MCTP2: variants seen among roughly 807,000 people sequenced by gnomAD.
MCTP2 encodes multiple C2 and transmembrane domain-containing protein 2.
Under a neutral mutation model 111.6 loss-of-function variants are expected in MCTP2, and 132 were observed. That is an observed-to-expected ratio of 1.18 (90% CI 1.03 to 1.37). MCTP2 has a LOEUF of 1.37. Ranked by LOEUF, MCTP2 falls within the 40% of genes most tolerant of loss-of-function variation. The probability of loss-of-function intolerance (pLI) is 0.00; values close to 1 mark genes in which losing one functional copy is unlikely to be tolerated. For missense variants in MCTP2, 1,183 were observed against 1,067.9 expected, an observed-to-expected ratio of 1.11 and a Z score of -1.50; for synonymous variants, 395 against 387.7, an observed-to-expected ratio of 1.02 and a Z score of -0.22.
rs367776969 is a variant in MCTP2 at position 94,405,249 on chromosome 15, T to G, written c.2085+3230T>G. 9.5e-4 allele frequency among the ~76,000 whole-genome samples: 144 copies of G among 152,306 alleles called. 1 individual carries two copies. The South Asian group carries it at 0.029, about 31-fold the overall frequency. ...CTGAAGGGATGTGTTTTTCTTCTGTTTTTTGAGAAAACATAAAATATTAAC... is the reference window on the plus strand; with the variant it reads ...CTGAAGGGATGTGTTTTTCTTCTGTGTTTTGAGAAAACATAAAATATTAAC... On this transcript the variant is annotated intron_variant, in intron 17 of 22. Transcript: ENST00000357742.
intron 11 of MCTP2, 113 bp from the exon 12 acceptor site, chr15:94,369,974 G>C: frequency 1.7e-6 from 1 of 573,930 alleles, no homozygotes; most frequent in Non-Finnish European, 2.8e-6. Flanking sequence ...TTTTTTTAAA[G>C]ATTTCATGAG....
At chr15:94,366,981 G>C (rs1275025742) in intron 10 of MCTP2, among the ~76,000 whole-genome samples, 1 of 152,244 alleles carries the variant, frequency 6.6e-6, no homozygotes, top group Non-Finnish European at 1.5e-5. Flanking sequence ...TTTCCTGGCA[G>C]AGCTGCTGAA....
At chr15:94,308,700 C>T (rs1367052612) in intron 2 of MCTP2, among the ~76,000 whole-genome samples, 3 of 147,644 alleles carry the variant, frequency 2.0e-5, no homozygotes, top group Admixed American at 1.4e-4. Flanking sequence ...AGCATTTCAA[C>T]AGGGGTTGAT....
In MCTP2 at chr15:94,470,423, G is replaced by A. The variant is rs1194575228; in HGVS notation, c.2451G>A (p.Arg817=). ...ATIILYFIPL[R]YIILIWGINK... ...TCATTTTGTATTTCATTCCACTGCG[G>A]TACATCATTTTAATCTGGGGTAAGT... The change falls in exon 21 of 23, where the codon CGG becomes CGA. Residue 817 remains arginine (R), a synonymous_variant. Transcript: ENST00000357742. The A allele has an allele frequency of 2.0e-5, 32 of 1,611,058 alleles. No individual in the cohort carries two copies. The highest frequency in any genetic ancestry group is 2.4e-5 in the Non-Finnish European group (28 of 1,177,374).
chr15:94,258,138 A>C (rs2072953154), intron 1 of MCTP2, among the ~76,000 whole-genome samples: 1 of 150,188 alleles, frequency 6.7e-6, no homozygotes. Flanking sequence ...GTCCTCCCAA[A>C]GTGCTGGGAT....
In MCTP2 at chr15:94,339,339, C is replaced by T; in HGVS notation, c.687C>T (p.Tyr229=). Residue 229 remains tyrosine (Y), a synonymous_variant, in exon 5 of 23, where the codon TAC becomes TAT. Coordinates refer to ENST00000357742, the MANE Select transcript of MCTP2 (RefSeq NM_001385001.1). ...TTAAGCTGAATGGGAAGACGCTGTA[C>T]AAAAGTAAAGTCATATATAAGAACT... ...VKFKLNGKTL[Y]KSKVIYKNLN... is the part of the protein sequence containing the mutation. 3.1e-6 allele frequency: 5 copies of T among 1,611,116 alleles called. No individual in the cohort carries two copies. Among genetic ancestry groups the T allele is most frequent in the Non-Finnish European group, 4.2e-6 (5 of 1,178,126 alleles).
chr15:94,350,753 A>C (rs1369357589), intron 8 of MCTP2, among the ~76,000 whole-genome samples: 3 of 152,244 alleles, frequency 2.0e-5, no homozygotes, highest in Non-Finnish European at 4.4e-5. Flanking sequence ...CAAGTAAATC[A>C]AGAAATACAA....
At chr15:94,259,138 C>T (rs1197391110) in intron 1 of MCTP2, among the ~76,000 whole-genome samples, 1 of 152,176 alleles carries the variant, frequency 6.6e-6, no homozygotes, top group Non-Finnish European at 1.5e-5. Context: ...CCCCCTTCAC[C>T]CCACCCAGCC....
At chr15:94,429,396 CT>C (rs1481467642) in intron 17 of MCTP2, among the ~76,000 whole-genome samples, 1 of 152,202 alleles carries the variant, frequency 6.6e-6, no homozygotes, top group Non-Finnish European at 1.5e-5. Flanking sequence ...GTTATGTCTC[CT>C]GTCTACAATT....
chr15:94,250,284 A>C (rs1567274993), intron 1 of MCTP2, among the ~76,000 whole-genome samples: 1 of 152,176 alleles, frequency 6.6e-6, no homozygotes, highest in South Asian at 2.1e-4. Flanking sequence ...CTTAATATGC[A>C]TTCTGTGCTA....
intron 1 of MCTP2, among the ~76,000 whole-genome samples, chr15:94,241,897 T>G (rs1360735174): frequency 1.3e-5 from 2 of 152,186 alleles, no homozygotes; most frequent in Non-Finnish European, 2.9e-5. Flanking sequence ...TTAAAGAGAC[T>G]TTGAATTTGT....
chr15:94,365,387 A>G (rs1308036206), intron 10 of MCTP2, among the ~76,000 whole-genome samples: 1 of 152,174 alleles, frequency 6.6e-6, no homozygotes, highest in African/African-American at 2.4e-5. Flanking sequence ...TTTTTGTAAT[A>G]ACGTAAGTGT....
chr15:94,466,938 TA>T (rs2152536467), intron 20 of MCTP2, among the ~76,000 whole-genome samples: 1 of 152,334 alleles, frequency 6.6e-6, no homozygotes, highest in South Asian at 2.1e-4. Context: ...TAGCTAGTAT[TA>T]TTTTCAAAAC....
chr15:94,301,622 C>T (rs568687063), intron 2 of MCTP2, among the ~76,000 whole-genome samples: 7 of 152,288 alleles, frequency 4.6e-5, no homozygotes, highest in South Asian at 4.1e-4. Flanking sequence ...AATACAAAAA[C>T]GATGATAGCA....
chr15:94,377,657 G>A (rs2079851346), intron 12 of MCTP2, among the ~76,000 whole-genome samples: 1 of 152,058 alleles, frequency 6.6e-6, no homozygotes, highest in East Asian at 1.9e-4. Flanking sequence ...ATTTTTCCTG[G>A]TGATATGGTA....
At chr15:94,242,150 G>C (rs1056980808) in intron 1 of MCTP2, among the ~76,000 whole-genome samples, 1 of 152,062 alleles carries the variant, frequency 6.6e-6, no homozygotes, top group Non-Finnish European at 1.5e-5. Context: ...CCTATGCTAT[G>C]GCTCCCTCAA....
intron 1 of MCTP2, among the ~76,000 whole-genome samples, chr15:94,276,012 A>ATTTTTTTTTTTTTTTTTTTT (rs540790153): frequency 6.6e-6 from 1 of 151,838 alleles, no homozygotes; most frequent in African/African-American, 2.4e-5. Flanking sequence ...TGCCCAGCTA[A>ATTTTTTTTTTTTTTTTTTTT]TTTTTGTATT....
chr15:94,254,450 G>A (rs1315204461), intron 1 of MCTP2, among the ~76,000 whole-genome samples: 2 of 152,122 alleles, frequency 1.3e-5, no homozygotes, highest in Non-Finnish European at 1.5e-5. Flanking sequence ...TTCTTACATA[G>A]GATTGGTATT....
intron 1 of MCTP2, among the ~76,000 whole-genome samples, chr15:94,281,315 T>C (rs183513655): frequency 8.5e-5 from 13 of 152,336 alleles, no homozygotes; most frequent in African/African-American, 3.1e-4. Context: ...CATTATGGAA[T>C]GTCCTTCTTT....
Sources: gnomAD v4.1 joint callset for allele counts (sites outside exome capture counted in the v4.1 genomes callset) on GRCh38, gnomAD v4.1.1 for gene constraint, MANE v1.5 for transcripts, NCBI Gene and HGNC (gene_info 2026-07-23, HGNC 2026-07-21) for gene names.